Variants in NR6A1 observed in about 807,000 individuals in gnomAD.
NR6A1 encodes the protein nuclear receptor subfamily 6 group A member 1.
Under a neutral mutation model 59.1 loss-of-function variants are expected in NR6A1, and 7 were observed. The ratio of observed to expected loss-of-function variants is 0.12; its 90% CI spans 0.07 to 0.22. The LOEUF (loss-of-function observed/expected upper bound fraction) is 0.22. Among genes scored for constraint, NR6A1 ranks in the 10% least tolerant of loss-of-function variants. NR6A1 has a pLI of 1.00. For synonymous variants in NR6A1, 243 were observed against 236.1 expected (o/e 1.03, Z -0.27); for missense variants, 468 against 611.6 (o/e 0.77, Z 2.48).
At chr9:124,693,608 C>T in intron 2 of NR6A1, 2 of 448,070 alleles carry the variant, frequency 4.5e-6, no homozygotes, top group South Asian at 3.3e-5. Flanking sequence ...TGGCTGGTTA[C>T]TAAGGGAGAA....
At chr9:124,630,482 C>G (rs1410795899) in intron 2 of NR6A1, among the ~76,000 whole-genome samples, 2 of 151,258 alleles carry the variant, frequency 1.3e-5, no homozygotes, top group African/African-American at 4.9e-5. Context: ...GGTGATCCGC[C>G]TGCTTTGGCC....
chr9:124,639,427 C>A (rs1304521822), intron 2 of NR6A1, among the ~76,000 whole-genome samples: 4 of 152,208 alleles, frequency 2.6e-5, no homozygotes, highest in African/African-American at 9.7e-5. Flanking sequence ...ACATAGACAG[C>A]ATCCCGATTT....
chr9:124,685,567 T>C (rs1564236659), intron 2 of NR6A1, among the ~76,000 whole-genome samples: 2 of 152,184 alleles, frequency 1.3e-5, no homozygotes, highest in Non-Finnish European at 2.9e-5. Context: ...TGGGCCCAAG[T>C]GATCCTCTTG....
intron 1 of NR6A1, among the ~76,000 whole-genome samples, chr9:124,765,303 G>A (rs971945711): frequency 2.0e-5 from 3 of 152,084 alleles, no homozygotes; most frequent in Admixed American, 2.0e-4. Flanking sequence ...GCCCTCCTGT[G>A]AATTTATAAT....
At chr9:124,762,744 T>C (rs1840816772) in intron 1 of NR6A1, among the ~76,000 whole-genome samples, 1 of 152,218 alleles carries the variant, frequency 6.6e-6, no homozygotes, top group Admixed American at 6.5e-5. Flanking sequence ...ATAGATCTTT[T>C]GGAAAATACT....
chr9:124,667,440 G>T (rs1253204373), intron 2 of NR6A1, among the ~76,000 whole-genome samples: 3 of 152,068 alleles, frequency 2.0e-5, no homozygotes, highest in African/African-American at 7.2e-5. Flanking sequence ...CGTGCTACAG[G>T]TGTTAAGAGC....
rs1173704356 is a variant in NR6A1, at chr9:124,532,880, G to A, written c.1079+2998C>T. ...ATTTACATTTTAAAAGCCAAATGAG[G>A]CTAGTGGCTACTGTAGTGGACGGTA... On this transcript the variant is annotated intron_variant, in intron 7 of 9. Transcript: ENST00000487099. Among the ~76,000 whole-genome samples, 8 of 152,308 alleles carry A rather than the reference G, an allele frequency of 5.3e-5. No individual in the cohort carries two copies. In the East Asian group the frequency reaches 1.3e-3, roughly 26 times the overall value.
In NR6A1 at chr9:124,739,889, A is replaced by G. The variant is rs560096720; in HGVS notation, c.101-6540T>C. ...CTGTAGGAAGACAATATAGTGCAAC[A>G]GAGACATGGACTCTGGTTAACGTTC... On this transcript the variant is annotated intron_variant, in intron 1 of 9. Coordinates refer to ENST00000487099, the MANE Select transcript of NR6A1 (RefSeq NM_033334.4). 1.1e-3 allele frequency among the ~76,000 whole-genome samples: 175 copies of G among 152,364 alleles called. 1 individual carries two copies. Among genetic ancestry groups the G allele is most frequent in the African/African-American group, 3.8e-3 (159 of 41,588 alleles).
At chr9:124,616,527 A>T (rs1028586137) in intron 2 of NR6A1, among the ~76,000 whole-genome samples, 1 of 152,088 alleles carries the variant, frequency 6.6e-6, no homozygotes, top group Non-Finnish European at 1.5e-5. Context: ...AAATCCAGAT[A>T]TCATTAAAGA....
At chr9:124,645,603 A>ACACAG (rs1161006843) in intron 2 of NR6A1, among the ~76,000 whole-genome samples, 6 of 152,210 alleles carry the variant, frequency 3.9e-5, no homozygotes, top group Non-Finnish European at 5.9e-5. Context: ...TAACAATCCT[A>ACACAG]ATGTGTATGC....
At chr9:124,561,858 G>A (rs1261535568) in intron 2 of NR6A1, among the ~76,000 whole-genome samples, 1 of 152,162 alleles carries the variant, frequency 6.6e-6, no homozygotes, top group Non-Finnish European at 1.5e-5. Flanking sequence ...GTTGCAGTGA[G>A]CCAAGATTGC....
intron 2 of NR6A1, among the ~76,000 whole-genome samples, chr9:124,668,545 T>C (rs1837696899): frequency 1.3e-5 from 2 of 152,126 alleles, no homozygotes. Context: ...AAAGGAAAAT[T>C]TGTCACCTAT....
At chr9:124,624,110 A>G (rs922575773) in intron 2 of NR6A1, among the ~76,000 whole-genome samples, 1 of 152,194 alleles carries the variant, frequency 6.6e-6, no homozygotes, top group East Asian at 1.9e-4. Flanking sequence ...GGAGTACTAC[A>G]AGCTCTTAAC....
intron 2 of NR6A1, among the ~76,000 whole-genome samples, chr9:124,572,617 A>G (rs977513490): frequency 6.6e-6 from 1 of 152,200 alleles, no homozygotes; most frequent in African/African-American, 2.4e-5. Flanking sequence ...TTAGTGGAGG[A>G]GATCTGTGGT....
chr9:124,616,854 T>G (rs1488366363), intron 2 of NR6A1, among the ~76,000 whole-genome samples: 3 of 152,248 alleles, frequency 2.0e-5, no homozygotes, highest in Non-Finnish European at 4.4e-5. Context: ...AGTGGTGAAG[T>G]TTTGAAGAAA....
At chr9:124,728,659 A>C (rs1839798108) in intron 2 of NR6A1, among the ~76,000 whole-genome samples, 1 of 151,704 alleles carries the variant, frequency 6.6e-6, no homozygotes, top group Non-Finnish European at 1.5e-5. Flanking sequence ...TAAATAAATA[A>C]ATAAATAAAT....
At chr9:124,562,650 T>C (rs1040866304) in intron 2 of NR6A1, among the ~76,000 whole-genome samples, 1 of 152,186 alleles carries the variant, frequency 6.6e-6, no homozygotes, top group African/African-American at 2.4e-5. Flanking sequence ...AGAACTATCA[T>C]ATTAAATTGC....
chr9:124,566,291 T>C (rs528893016), intron 2 of NR6A1, among the ~76,000 whole-genome samples: 2 of 152,304 alleles, frequency 1.3e-5, no homozygotes, highest in South Asian at 4.1e-4. Context: ...AGCTTCTGGA[T>C]CCTGGCAGTG....
chr9:124,757,026 C>T (rs1486379389), intron 1 of NR6A1, among the ~76,000 whole-genome samples: 1 of 152,028 alleles, frequency 6.6e-6, no homozygotes, highest in Non-Finnish European at 1.5e-5. Context: ...GAATGACTCT[C>T]TCTCACCCCA....
Sources: allele counts gnomAD v4.1 joint callset (sites outside exome capture counted in the v4.1 genomes callset), GRCh38; gene constraint gnomAD v4.1.1; transcripts MANE v1.5; gene names NCBI Gene and HGNC (gene_info 2026-07-23, HGNC 2026-07-21).